GNB4: variants seen among roughly 807,000 people sequenced by gnomAD.
GNB4 encodes the protein guanine nucleotide-binding protein subunit beta-4.
Under a neutral mutation model 45.2 loss-of-function variants are expected in GNB4, and 28 were observed. That is an observed-to-expected ratio of 0.62 (90% CI 0.46 to 0.85). The LOEUF (loss-of-function observed/expected upper bound fraction) is 0.85, where lower values mean the gene tolerates loss of function less well. Ranked by LOEUF, GNB4 falls within the 40% of genes least tolerant of loss-of-function variation. GNB4 has a pLI of 0.00. For synonymous variants in GNB4, 132 were observed against 143.7 expected, an observed-to-expected ratio of 0.92 and a Z score of 0.58; for missense variants, 321 against 425.4, an observed-to-expected ratio of 0.75 and a Z score of 2.16.
chr3:179,468,035 A>AAAAAAAAAAAAAAAAAAAATATAT, the GNB4 span, among the ~76,000 whole-genome samples: 2 of 89,856 alleles, frequency 2.2e-5, no homozygotes, highest in African/African-American at 8.0e-5. Flanking sequence ...TGTTGATAAA[A>AAAAAAAAAAAAAAAAAAAATATAT]ATATATATAT....
chr3:179,501,592 T>TTC, the GNB4 span, among the ~76,000 whole-genome samples: 1 of 152,098 alleles, frequency 6.6e-6, no homozygotes, highest in Non-Finnish European at 1.5e-5. Flanking sequence ...CCCAAAGTGC[T>TTC]GGGATTACAG....
chr3:179,524,201 T>C, the GNB4 span, among the ~76,000 whole-genome samples: 1 of 152,258 alleles, frequency 6.6e-6, no homozygotes, highest in Non-Finnish European at 1.5e-5. Context: ...CTTTAGCCAC[T>C]AAGCCAAGGA....
Position 179,405,638 on chromosome 3 carries a change from G to A in GNB4, c.700-232C>T, listed in dbSNP as rs1444965911. 1.2e-5 allele frequency: 5 copies of A among 420,586 alleles called. No individual in the cohort carries two copies. The Admixed American group carries it at 1.9e-4, about 16-fold the overall frequency. 26.1% of individuals were successfully genotyped at this position (420,586 alleles called of 1,614,324 possible). On this transcript the variant is annotated intron_variant, in intron 8 of 9. Transcript: ENST00000232564. ...TACACAGCCCATTGTTCAGAACACAGCAAGTATTCAACAAATACTGGCTCT... is the reference window on the plus strand; with the variant it reads ...TACACAGCCCATTGTTCAGAACACAACAAGTATTCAACAAATACTGGCTCT...
rs536246579 is a variant in GNB4, at chr3:179,409,786, G to A, written c.699+3626C>T. The stretch of plus-strand genomic sequence containing the variant: ...GATCGCACCACTACACTCCAGCCTC[G>A]CAACAGAGCAAGACTCTGTCTCAAA... On this transcript the variant is annotated intron_variant, in intron 8 of 9. Transcript: ENST00000232564. Among the ~76,000 whole-genome samples, 26 of 143,276 alleles carry A rather than the reference G, an allele frequency of 1.8e-4. No homozygotes were observed. In the South Asian group the frequency reaches 4.2e-3, roughly 23 times the overall value. The allele number at this position is 143,276 out of a possible 152,430, so 94.0% of individuals were successfully genotyped here. A position where few individuals can be genotyped will look rare whatever the true frequency, so the allele number is the denominator to read the frequency against.
At chr3:179,441,998 G>A (rs1043790608) in intron 1 of GNB4, among the ~76,000 whole-genome samples, 1 of 151,924 alleles carries the variant, frequency 6.6e-6, no homozygotes, top group South Asian at 2.1e-4. Flanking sequence ...GTAAAGACAG[G>A]GTTTCACCAT....
At chr3:179,472,012 T>C in the GNB4 span, among the ~76,000 whole-genome samples, 2 of 152,140 alleles carry the variant, frequency 1.3e-5, no homozygotes, top group Non-Finnish European at 2.9e-5. Context: ...ACAATAATTA[T>C]ATGATTAATT....
At chr3:179,485,171 C>T in the GNB4 span, among the ~76,000 whole-genome samples, 2 of 151,932 alleles carry the variant, frequency 1.3e-5, no homozygotes, top group African/African-American at 2.4e-5. Context: ...CCACCACACC[C>T]GGCTAGTTCT....
At chr3:179,468,031 T>TTAAAAAAAAAAAA in the GNB4 span, among the ~76,000 whole-genome samples, 37 of 67,270 alleles carry the variant, frequency 5.5e-4, no homozygotes, top group African/African-American at 1.5e-3. Context: ...ATTTTGTTGA[T>TTAAAAAAAAAAAA]AAAAATATAT....
chr3:179,496,614 G>A, the GNB4 span, among the ~76,000 whole-genome samples: 1 of 152,046 alleles, frequency 6.6e-6, no homozygotes, highest in African/African-American at 2.4e-5. Flanking sequence ...TTAGCTGTAA[G>A]GACACATAGG....
chr3:179,418,132 A>G (rs1560215148), intron 4 of GNB4, among the ~76,000 whole-genome samples: 1 of 152,194 alleles, frequency 6.6e-6, no homozygotes, highest in Admixed American at 6.5e-5. Context: ...TTGCTTTATC[A>G]ACAGGTAAAT....
chr3:179,492,434 C>T, the GNB4 span, among the ~76,000 whole-genome samples: 1 of 151,878 alleles, frequency 6.6e-6, no homozygotes, highest in Admixed American at 6.6e-5. Context: ...CCAGTATGCT[C>T]CACCACCCCC....
At chr3:179,521,566 C>T in the GNB4 span, among the ~76,000 whole-genome samples, 4 of 152,186 alleles carry the variant, frequency 2.6e-5, no homozygotes, top group Non-Finnish European at 4.4e-5. Flanking sequence ...CTCAACTACT[C>T]ATAAATGCCC....
chr3:179,456,329 A>G (rs1172116238), upstream of GNB4, among the ~76,000 whole-genome samples: 1 of 152,086 alleles, frequency 6.6e-6, no homozygotes, highest in Non-Finnish European at 1.5e-5. Context: ...CTAGAGGAAC[A>G]TGTTGAATGC....
chr3:179,474,077 C>A, the GNB4 span, among the ~76,000 whole-genome samples: 1 of 152,114 alleles, frequency 6.6e-6, no homozygotes. Flanking sequence ...GTAATCCCAA[C>A]ACTTTGGGAG....
Position 179,397,107 on chromosome 3 carries a change from T to A in GNB4, c.*4106A>T, listed in dbSNP as rs1402236060. On this transcript the variant is annotated 3_prime_UTR_variant, in exon 10 of 10. Coordinates refer to ENST00000232564, the MANE Select transcript of GNB4 (RefSeq NM_021629.4). ...TCAGCCTGACTCCGACCCTGAAGAT[T>A]TCAGAAAGAACATCGTCACTATTAA... 2 of 152,184 alleles carry A rather than the reference T, an allele frequency of 1.3e-5. No individual in the cohort carries two copies. The highest frequency in any genetic ancestry group is 4.8e-5 in the African/African-American group (2 of 41,436). 9.4% of individuals were successfully genotyped at this position (152,184 alleles called of 1,614,324 possible). A position where few individuals can be genotyped will look rare whatever the true frequency, so the allele number is the denominator to read the frequency against.
At chr3:179,481,052 C>G in the GNB4 span, among the ~76,000 whole-genome samples, 1 of 151,758 alleles carries the variant, frequency 6.6e-6, no homozygotes, top group African/African-American at 2.4e-5. Context: ...GGGGTTTCAC[C>G]GTGTTAGCCA....
intron 1 of GNB4, among the ~76,000 whole-genome samples, chr3:179,427,903 C>A (rs1437103432): frequency 6.6e-6 from 1 of 152,036 alleles, no homozygotes; most frequent in Non-Finnish European, 1.5e-5. Context: ...TTTCTTTCTA[C>A]AGAATGACTT....
the GNB4 span, among the ~76,000 whole-genome samples, chr3:179,476,626 G>A: frequency 1.3e-5 from 2 of 152,236 alleles, no homozygotes; most frequent in Non-Finnish European, 2.9e-5. Flanking sequence ...CTTGTGACAA[G>A]CCTCTGCCTG....
At chr3:179,433,618 GAA>G (rs1363827459) in intron 1 of GNB4, among the ~76,000 whole-genome samples, 2 of 108,042 alleles carry the variant, frequency 1.9e-5, no homozygotes, top group African/African-American at 3.2e-5. Context: ...TCTAACGGTG[GAA>G]AAAAAAAAAA....
Sources: allele counts gnomAD v4.1 joint callset (sites outside exome capture counted in the v4.1 genomes callset), GRCh38; gene constraint gnomAD v4.1.1; transcripts MANE v1.5; gene names NCBI Gene and HGNC (gene_info 2026-07-23, HGNC 2026-07-21).